The following MPZL1 variants were observed in gnomAD, a reference collection of about 807,000 sequenced individuals.
The protein encoded by MPZL1 is myelin protein zero like 1, also known as myelin protein zero-like protein 1.
MPZL1 carries 16 observed loss-of-function variants against 29.3 expected under a neutral mutation model. That is an observed-to-expected ratio of 0.55 (90% CI 0.37 to 0.83). The LOEUF is 0.83. Among genes scored for constraint, MPZL1 ranks in the 40% least tolerant of loss-of-function variants. The pLI is 0.00. For synonymous variants in MPZL1, 143 were observed against 132.0 expected, an observed-to-expected ratio of 1.08 and a Z score of -0.57; for missense variants, 279 against 332.9, an observed-to-expected ratio of 0.84 and a Z score of 1.26.
intron 1 of MPZL1, among the ~76,000 whole-genome samples, chr1:167,735,757 T>C (rs1260374800): frequency 6.6e-6 from 1 of 152,182 alleles, no homozygotes; most frequent in Admixed American, 6.5e-5. Context: ...ACTGATTGGA[T>C]AAGGCACACC....
At chr1:167,750,452 T>C (rs1660732112) in intron 1 of MPZL1, among the ~76,000 whole-genome samples, 1 of 152,158 alleles carries the variant, frequency 6.6e-6, no homozygotes, top group African/African-American at 2.4e-5. Flanking sequence ...TCCGCCTGCC[T>C]CAGCCTCCCA....
At chr1:167,759,752 C>T (rs1225726578) in intron 1 of MPZL1, among the ~76,000 whole-genome samples, 2 of 152,176 alleles carry the variant, frequency 1.3e-5, no homozygotes, top group African/African-American at 2.4e-5. Flanking sequence ...CTCATGGCAT[C>T]GTGATTTCCT....
rs1661720635 is a variant in MPZL1, at chr1:167,791,788, G to A, written c.*3867G>A. ...GAGAGTCCCTTAGGAACTTGAGAGG[G>A]TAGTGTAGTCTAGGTGGTAGGCACA... On this transcript the variant is annotated 3_prime_UTR_variant, in exon 6 of 6. Coordinates refer to ENST00000359523, the MANE Select transcript of MPZL1 (RefSeq NM_003953.6). The A allele has an allele frequency of 6.6e-6, 1 of 152,220 alleles. No homozygotes were observed. Among genetic ancestry groups the A allele is most frequent in the Non-Finnish European group, 1.5e-5 (1 of 68,026 alleles). 9.4% of individuals were successfully genotyped at this position (152,220 alleles called of 1,614,324 possible).
chr1:167,739,051 C>G (rs1571139938), intron 1 of MPZL1, among the ~76,000 whole-genome samples: 1 of 151,666 alleles, frequency 6.6e-6, no homozygotes, highest in Admixed American at 6.6e-5. Flanking sequence ...AAGCGATTCT[C>G]CCACCTCAGT....
intron 1 of MPZL1, among the ~76,000 whole-genome samples, chr1:167,724,263 G>A (rs1660098013): frequency 6.6e-6 from 1 of 152,204 alleles, no homozygotes; most frequent in Non-Finnish European, 1.5e-5. Context: ...TATAGTGGGA[G>A]GTTGGAGTGT....
chr1:167,773,619 G>A (rs1185126867), intron 4 of MPZL1: 2 of 366,980 alleles, frequency 5.4e-6, no homozygotes, highest in Non-Finnish European at 9.8e-6. Flanking sequence ...GAGCTGCTCA[G>A]CAGTCTGTGC....
At chr1:167,780,422 C>T (rs1362554389) in intron 5 of MPZL1, among the ~76,000 whole-genome samples, 3 of 152,096 alleles carry the variant, frequency 2.0e-5, no homozygotes, top group Non-Finnish European at 4.4e-5. Flanking sequence ...AAAGCAGAGT[C>T]TTGAAGAGAT....
At chr1:167,771,588 C>T (rs1443217906) in intron 2 of MPZL1, among the ~76,000 whole-genome samples, 2 of 152,084 alleles carry the variant, frequency 1.3e-5, no homozygotes, top group African/African-American at 2.4e-5. Context: ...CAGAGGCGCT[C>T]CTCACTTCCC....
At chr1:167,785,887 G>T (rs1404182534) in intron 5 of MPZL1, among the ~76,000 whole-genome samples, 1 of 152,094 alleles carries the variant, frequency 6.6e-6, no homozygotes, top group Non-Finnish European at 1.5e-5. Context: ...CCGCCTCCTG[G>T]GTTCACACCA....
At chr1:167,775,371 C>T (rs1398685515) in intron 4 of MPZL1, among the ~76,000 whole-genome samples, 2 of 152,182 alleles carry the variant, frequency 1.3e-5, no homozygotes, top group East Asian at 3.8e-4. Flanking sequence ...AAAATCCCTA[C>T]GCTGTACCCC....
intron 2 of MPZL1, among the ~76,000 whole-genome samples, chr1:167,771,474 C>T (rs1029422114): frequency 7.9e-5 from 12 of 152,250 alleles, no homozygotes; most frequent in Middle Eastern, 3.4e-3. Context: ...AAACCGCCAT[C>T]GTCATCATGG....
intron 5 of MPZL1, among the ~76,000 whole-genome samples, chr1:167,784,403 A>G (rs149355136): frequency 2.0e-5 from 3 of 152,354 alleles, no homozygotes; most frequent in African/African-American, 7.2e-5. Context: ...ACCAAGAGAT[A>G]GAGTAAAACA....
chr1:167,750,003 A>G (rs1052377854), intron 1 of MPZL1, among the ~76,000 whole-genome samples: 24 of 152,368 alleles, frequency 1.6e-4, no homozygotes, highest in African/African-American at 5.8e-4. Context: ...CAGAGGGCAC[A>G]CTAAGTTACA....
intron 1 of MPZL1, among the ~76,000 whole-genome samples, chr1:167,754,396 C>T (rs1332694510): frequency 1.3e-5 from 2 of 152,204 alleles, no homozygotes; most frequent in African/African-American, 4.8e-5. Context: ...ATAGCACACA[C>T]ACTTGTGGGT....
At chr1:167,736,770 T>C (rs1395146509) in intron 1 of MPZL1, among the ~76,000 whole-genome samples, 2 of 152,228 alleles carry the variant, frequency 1.3e-5, no homozygotes, top group Non-Finnish European at 2.9e-5. Context: ...GTCTCTCTAA[T>C]GGTAGTCATC....
At chr1:167,778,282 C>CAGAGG (rs1661413532) in intron 5 of MPZL1, among the ~76,000 whole-genome samples, 2 of 151,550 alleles carry the variant, frequency 1.3e-5, no homozygotes, top group Admixed American at 1.3e-4. Flanking sequence ...GATCACACCA[C>CAGAGG]TGGCACTCCA....
chr1:167,724,795 T>C (rs770844996), intron 1 of MPZL1, among the ~76,000 whole-genome samples: 3 of 151,938 alleles, frequency 2.0e-5, no homozygotes, highest in Non-Finnish European at 4.4e-5. Flanking sequence ...GAAATGGAGA[T>C]TTAGAGAGTT....
Position 167,791,566 on chromosome 1 carries a change from AC to A in MPZL1, c.*3648del, listed in dbSNP as rs1661716231. ...CATTGTTTGAAAGATTATATGGCTT[AC>A]CCAGGGCCACTTAGCTAATAAAGGA... On this transcript the variant is annotated 3_prime_UTR_variant, in exon 6 of 6. Coordinates refer to ENST00000359523, the MANE Select transcript of MPZL1 (RefSeq NM_003953.6). 6.6e-6 allele frequency: 1 copy of A among 152,234 alleles called. No homozygotes were observed. The highest frequency in any genetic ancestry group is 2.1e-4 in the South Asian group (1 of 4,832). 9.4% of individuals were successfully genotyped at this position (152,234 alleles called of 1,614,324 possible).
At chr1:167,760,857 C>G (rs564154662) in intron 1 of MPZL1, among the ~76,000 whole-genome samples, 1 of 150,992 alleles carries the variant, frequency 6.6e-6, no homozygotes, top group East Asian at 1.9e-4. Flanking sequence ...TAAATAGATA[C>G]GCAGTCAGAG....
Sources: allele counts gnomAD v4.1 joint callset (sites outside exome capture counted in the v4.1 genomes callset), GRCh38; gene constraint gnomAD v4.1.1; transcripts MANE v1.5; gene names NCBI Gene and HGNC (gene_info 2026-07-23, HGNC 2026-07-21).